The following UHRF1 variants were observed in gnomAD, a reference collection of about 807,000 sequenced individuals.
UHRF1 encodes ubiquitin like with PHD and ring finger domains 1.
A neutral mutation model predicts 96.5 loss-of-function variants in UHRF1; 9 were observed. The ratio of observed to expected loss-of-function variants is 0.09; its 90% CI spans 0.06 to 0.16. The LOEUF is 0.16. UHRF1 is among the 10% of genes least tolerant of loss of function. The pLI is 1.00. For synonymous variants in UHRF1, 455 were observed against 469.9 expected (o/e 0.97, Z 0.41); for missense variants, 626 against 1,131.1 (o/e 0.55, Z 6.40).
At chr19:4,917,299 A>C (rs971829008) in intron 2 of UHRF1, among the ~76,000 whole-genome samples, 15 of 151,546 alleles carry the variant, frequency 9.9e-5, no homozygotes, top group African/African-American at 3.4e-4. Context: ...CTTAGTTATC[A>C]AGTTGTATTT....
chr19:4,941,679 G>A (rs2033406344), intron 6 of UHRF1, 51 bp downstream of exon 6: 1 of 1,581,376 alleles, frequency 6.3e-7, no homozygotes, highest in Admixed American at 1.8e-5. Context: ...CACGGGGCGG[G>A]GGCTCTTGTC....
intron 2 of UHRF1, among the ~76,000 whole-genome samples, chr19:4,916,875 G>A (rs2032526845): frequency 6.6e-6 from 1 of 152,178 alleles, no homozygotes; most frequent in Non-Finnish European, 1.5e-5. Flanking sequence ...TCTTCCGGCT[G>A]GAGGTCCCTC....
At chr19:4,947,490 CTTTTTTTTTTTTTTTTTT>C (rs985069179) in intron 11 of UHRF1, among the ~76,000 whole-genome samples, 1 of 57,860 alleles carries the variant, frequency 1.7e-5, no homozygotes, top group African/African-American at 6.7e-5. Context: ...TAATAGATAT[CTTTTTTTTTTTTTTTTTT>C]TTTTTTTTTT....
chr19:4,928,641 A>T (rs1237927542), intron 2 of UHRF1, among the ~76,000 whole-genome samples: 2 of 152,170 alleles, frequency 1.3e-5, no homozygotes, highest in African/African-American at 2.4e-5. Flanking sequence ...AAGCTCATGG[A>T]TGCTGGCATG....
intron 5 of UHRF1, among the ~76,000 whole-genome samples, chr19:4,936,836 C>A (rs73534662): frequency 0.013 from 1,921 of 148,056 alleles, 40 homozygotes; most frequent in African/African-American, 0.046. Flanking sequence ...GAAAAAAAAA[C>A]AGGCTGTGTA....
At chr19:4,920,199 A>G (rs1310057383) in intron 2 of UHRF1, among the ~76,000 whole-genome samples, 2 of 152,200 alleles carry the variant, frequency 1.3e-5, no homozygotes, top group African/African-American at 4.8e-5. Context: ...CGGGAGGCTG[A>G]GGCAGGCAGA....
chr19:4,944,706 G>A (rs2033512018), intron 9 of UHRF1, among the ~76,000 whole-genome samples: 1 of 152,230 alleles, frequency 6.6e-6, no homozygotes, highest in African/African-American at 2.4e-5. Flanking sequence ...TCCTGTCCCA[G>A]GGAAGGGGTG....
At chr19:4,949,799 C>T (rs2033668769) in intron 11 of UHRF1, among the ~76,000 whole-genome samples, 1 of 152,012 alleles carries the variant, frequency 6.6e-6, no homozygotes, top group Non-Finnish European at 1.5e-5. Context: ...CATGCCATTG[C>T]ATTCCAGCCT....
chr19:4,903,256 G>A (rs2656930), exon 1 of UHRF1: 36,905 of 177,554 alleles, frequency 0.21, 4,122 homozygotes, highest in East Asian at 0.29. Context: ...CTGACCTCGT[G>A]ATCCACCCAC....
At chr19:4,934,269 A>G (rs1426455660) in intron 5 of UHRF1, among the ~76,000 whole-genome samples, 3 of 151,672 alleles carry the variant, frequency 2.0e-5, no homozygotes, top group African/African-American at 7.3e-5. Context: ...CCTGACCTCA[A>G]GTGATTCGCC....
rs953529817 is a variant in UHRF1 at position 4,913,169 on chromosome 19, G to A, written c.153+2131G>A. On this transcript the variant is annotated intron_variant, in intron 2 of 16. Transcript: ENST00000650932. ...CCCTCATTTGTAACATAATACTTGA[G>A]TCATACAATAGTGTCTGTCACATTT... Among the ~76,000 whole-genome samples the A allele has an allele frequency of 3.3e-5, 5 of 151,192 alleles. No homozygotes were observed. In the East Asian group the frequency reaches 7.8e-4, roughly 23 times the overall value.
At position 4,929,168 on chromosome 19, in the gene UHRF1, A is replaced by T. The variant is rs17880152; in HGVS notation, c.154-54A>T. 1.3e-3 allele frequency: 2,119 copies of T among 1,574,962 alleles called. 24 individuals are homozygous for T. The African/African-American group carries it at 0.025, about 19-fold the overall frequency. On this transcript the variant is annotated intron_variant, in intron 2 of 16. Coordinates refer to ENST00000650932, the MANE Select transcript of UHRF1 (RefSeq NM_001048201.3). The stretch of plus-strand genomic sequence containing the variant: ...TTTGGTTCATCACTGGTGCCCACAG[A>T]TGCCCACTTGGCATTTGGTGGCTAA...
At chr19:4,912,203 G>A (rs1221903443) in intron 2 of UHRF1, among the ~76,000 whole-genome samples, 1 of 152,162 alleles carries the variant, frequency 6.6e-6, no homozygotes, top group East Asian at 1.9e-4. Flanking sequence ...AGTTGACGGT[G>A]CAAGCCGCGT....
At chr19:4,924,098 T>G (rs547986853) in intron 2 of UHRF1, among the ~76,000 whole-genome samples, 1 of 152,296 alleles carries the variant, frequency 6.6e-6, no homozygotes, top group African/African-American at 2.4e-5. Context: ...TCTTGAGTAT[T>G]TGGGATTACA....
chr19:4,939,881 A>C (rs376426249), intron 5 of UHRF1, among the ~76,000 whole-genome samples: 2 of 152,040 alleles, frequency 1.3e-5, no homozygotes, highest in Non-Finnish European at 2.9e-5. Flanking sequence ...AAAATTAGCC[A>C]GGCGTGGTGG....
Position 4,904,369 on chromosome 19 carries a change from C to T in UHRF1, c.-11+724C>T, listed in dbSNP as rs1021114353. On this transcript the variant is annotated intron_variant, in intron 1 of 16. Transcript: ENST00000612630. ...TAATTTTTTGTATTTTTAGTAGAGA[C>T]GGGGTTTCATCATGTTAGCCAGGAT... Among the ~76,000 whole-genome samples the T allele has an allele frequency of 6.6e-5, 10 of 152,078 alleles. No homozygotes were observed. In the East Asian group the frequency reaches 7.7e-4, roughly 12 times the overall value.
At chr19:4,948,511 T>C (rs1429513432) in intron 11 of UHRF1, among the ~76,000 whole-genome samples, 2 of 152,130 alleles carry the variant, frequency 1.3e-5, no homozygotes, top group African/African-American at 2.4e-5. Context: ...AAGAAACTCA[T>C]AGAAGAGCTG....
intron 2 of UHRF1, among the ~76,000 whole-genome samples, chr19:4,913,225 G>A (rs138958433): frequency 8.9e-5 from 13 of 145,846 alleles, no homozygotes; most frequent in East Asian, 6.0e-4. Flanking sequence ...ACAGGAACAC[G>A]TATGTTAATT....
In UHRF1 at chr19:4,954,297, C is replaced by CGT; in HGVS notation, c.1819-53_1819-52insGT. ...AAGGAGGCTGGAAGAGCGGGCTCTG[C>CGT]ATAGCGTGTGGGCCCCAAGCCTGAC... On this transcript the variant is annotated intron_variant, in intron 13 of 16. Transcript: ENST00000650932. The surrounding 1 kb of genome is among the most constrained non-coding windows in gnomAD (Gnocchi z 5.9). 1.9e-6 allele frequency: 3 copies of CGT among 1,591,212 alleles called. No homozygotes were observed. In the African/African-American group the frequency reaches 4.0e-5, roughly 21 times the overall value.
Sources: allele counts gnomAD v4.1 joint callset (sites outside exome capture counted in the v4.1 genomes callset), GRCh38; gene constraint gnomAD v4.1.1; non-coding constraint Gnocchi (gnomAD v3.1); transcripts MANE v1.5; gene names NCBI Gene and HGNC (gene_info 2026-07-23, HGNC 2026-07-21).